The following PARP8 variants were observed in gnomAD, a reference collection of about 807,000 sequenced individuals.
The protein encoded by PARP8 is poly(ADP-ribose) polymerase family member 8.
PARP8 carries 51 observed loss-of-function variants against 124.1 expected under a neutral mutation model. That is an observed-to-expected ratio of 0.41 (90% confidence interval 0.33 to 0.52). The LOEUF is 0.52. PARP8 is among the 20% of genes least tolerant of loss of function. The pLI, the probability that PARP8 is intolerant of heterozygous loss-of-function variation, is 0.21. For synonymous variants in PARP8, 391 were observed against 361.5 expected (o/e 1.08, Z -0.93); for missense variants, 860 against 1,018.9 (o/e 0.84, Z 2.12).
At chr5:50,754,977 G>C (rs282555) in intron 3 of PARP8, among the ~76,000 whole-genome samples, 80,025 of 151,958 alleles carry the variant, frequency 0.53, 23,139 homozygotes, top group East Asian at 0.64. Flanking sequence ...CTGCATAAAT[G>C]TCTTCTTTTG....
chr5:50,821,269 T>G lies in PARP8; in HGVS notation c.1725T>G (p.Val575=). 3.7e-6 allele frequency: 6 copies of G among 1,612,774 alleles called. No individual in the cohort carries two copies. The highest frequency in any genetic ancestry group is 4.2e-6 in the Non-Finnish European group (5 of 1,179,468). ...CTGCGTTGGAATCTCCTAGAAAAGT[T>G]GTGATTTTCGAGCCATATCCTTCTG... The part of the protein sequence containing the change: ...CRSALESPRK[V]VIFEPYPSVV... Residue 575 remains valine (V), a synonymous_variant, in exon 16 of 26, where the codon GTT becomes GTG. Transcript: ENST00000281631.
chr5:50,771,247 C>CCTCCTGGGTTCAAGCAGTTCTCCTT (rs1761602123), intron 7 of PARP8, among the ~76,000 whole-genome samples: 1 of 152,056 alleles, frequency 6.6e-6, no homozygotes. Flanking sequence ...GCAACCTCCA[C>CCTCCTGGGTTCAAGCAGTTCTCCTT]CTCCTGGGTT....
chr5:50,742,536 A>C (rs1199724710), intron 2 of PARP8, among the ~76,000 whole-genome samples: 1 of 152,178 alleles, frequency 6.6e-6, no homozygotes, highest in Non-Finnish European at 1.5e-5. Context: ...GGAAGTAACC[A>C]TATGATAATC....
intron 10 of PARP8, among the ~76,000 whole-genome samples, chr5:50,793,346 T>C (rs961395253): frequency 6.6e-6 from 1 of 152,218 alleles, no homozygotes; most frequent in Non-Finnish European, 1.5e-5. Context: ...ATTTCATGTC[T>C]ACTTAAGTAT....
chr5:50,702,173 A>G (rs1327859950), intron 2 of PARP8, among the ~76,000 whole-genome samples: 2 of 152,208 alleles, frequency 1.3e-5, no homozygotes, highest in African/African-American at 4.8e-5. Context: ...TTAAAAAATA[A>G]CATTTAACAT....
intron 2 of PARP8, among the ~76,000 whole-genome samples, chr5:50,707,951 T>C (rs1240421098): frequency 1.3e-5 from 2 of 152,098 alleles, no homozygotes; most frequent in Non-Finnish European, 2.9e-5. Flanking sequence ...TCTCGCACCA[T>C]AGCCACTTCA....
At chr5:50,748,441 T>C (rs549762200) in intron 2 of PARP8, among the ~76,000 whole-genome samples, 5 of 152,306 alleles carry the variant, frequency 3.3e-5, no homozygotes, top group African/African-American at 1.2e-4. Context: ...ATTAAAAAAA[T>C]AGTGTTTTAT....
chr5:50,743,745 C>CATAAATAA (rs148163788), intron 2 of PARP8, among the ~76,000 whole-genome samples: 13 of 151,188 alleles, frequency 8.6e-5, no homozygotes, highest in African/African-American at 2.7e-4. Context: ...GTCTCCAAAA[C>CATAAATAA]ATAAATAAAT....
intron 9 of PARP8, among the ~76,000 whole-genome samples, chr5:50,783,199 C>T (rs1055388188): frequency 3.3e-5 from 5 of 151,526 alleles, no homozygotes; most frequent in African/African-American, 1.2e-4. Flanking sequence ...GAAGGGGAGA[C>T]AGGGAAGGGA....
At chr5:50,792,715 C>T (rs1019309049) in intron 10 of PARP8, among the ~76,000 whole-genome samples, 3 of 152,040 alleles carry the variant, frequency 2.0e-5, no homozygotes, top group Admixed American at 6.6e-5. Context: ...AAATGTTTCT[C>T]GTGCTGACTG....
intron 2 of PARP8, among the ~76,000 whole-genome samples, chr5:50,749,622 T>A (rs1203800792): frequency 1.3e-5 from 2 of 152,104 alleles, no homozygotes; most frequent in Non-Finnish European, 2.9e-5. Flanking sequence ...TATATATACG[T>A]GTGTGTGCGT....
intron 2 of PARP8, among the ~76,000 whole-genome samples, chr5:50,720,418 A>G (rs1004916214): frequency 3.9e-5 from 6 of 151,976 alleles, no homozygotes; most frequent in Non-Finnish European, 7.4e-5. Context: ...TGATCACTCT[A>G]TTCAGCAACC....
intron 2 of PARP8, among the ~76,000 whole-genome samples, chr5:50,674,897 G>C (rs1750438724): frequency 2.0e-5 from 3 of 152,212 alleles, no homozygotes; most frequent in Admixed American, 1.3e-4. Context: ...GTGAGAATAT[G>C]AGTAGAACAA....
At chr5:50,815,173 T>A (rs1427358441) in intron 14 of PARP8, among the ~76,000 whole-genome samples, 1 of 152,182 alleles carries the variant, frequency 6.6e-6, no homozygotes, top group East Asian at 1.9e-4. Flanking sequence ...ATATTTTTAC[T>A]GCTAAATTGT....
intron 2 of PARP8, among the ~76,000 whole-genome samples, chr5:50,699,877 G>T (rs146671214): frequency 6.6e-6 from 1 of 152,126 alleles, no homozygotes; most frequent in African/African-American, 2.4e-5. Flanking sequence ...GCTGAGGCCT[G>T]TTGGTTTCTA....
chr5:50,677,099 G>A (rs1480592646), intron 2 of PARP8, among the ~76,000 whole-genome samples: 3 of 152,162 alleles, frequency 2.0e-5, no homozygotes, highest in African/African-American at 7.2e-5. Flanking sequence ...TAGGTTTCTT[G>A]TGTGGAAATC....
rs1434306001 is a variant in PARP8 at position 50,757,981 on chromosome 5, T to C, written c.185-1662T>C. ...CTAAATGTTAGCTCCAGGGACTCCA[T>C]TGTGCACAGGGAAAACAGATAATTA... On this transcript the variant is annotated intron_variant, in intron 3 of 25. Coordinates refer to ENST00000281631, the MANE Select transcript of PARP8 (RefSeq NM_024615.4). Among the ~76,000 whole-genome samples, 8 of 152,216 alleles carry C rather than the reference T, an allele frequency of 5.3e-5. 1 individual carries two copies. In the South Asian group the frequency reaches 1.0e-3, roughly 20 times the overall value.
At chr5:50,769,842 T>A (rs1035327573) in intron 7 of PARP8, among the ~76,000 whole-genome samples, 1 of 152,018 alleles carries the variant, frequency 6.6e-6, no homozygotes, top group Non-Finnish European at 1.5e-5. Flanking sequence ...TAAGACAGAT[T>A]ATTTTTGTGC....
At chr5:50,812,035 G>A (rs1744514747) in intron 14 of PARP8, among the ~76,000 whole-genome samples, 1 of 152,176 alleles carries the variant, frequency 6.6e-6, no homozygotes, top group Non-Finnish European at 1.5e-5. Flanking sequence ...TGTGAATAGT[G>A]CTGCAATAAA....
Sources: allele counts gnomAD v4.1 joint callset (sites outside exome capture counted in the v4.1 genomes callset), GRCh38; gene constraint gnomAD v4.1.1; transcripts MANE v1.5; gene names NCBI Gene and HGNC (gene_info 2026-07-23, HGNC 2026-07-21).